The following STARD13 variants were observed in gnomAD, a reference collection of about 807,000 sequenced individuals.
STARD13 encodes StAR related lipid transfer domain containing 13.
Under a neutral mutation model 106.4 loss-of-function variants are expected in STARD13, and 62 were observed. That is an observed-to-expected ratio of 0.58 (90% CI 0.48 to 0.72). The LOEUF (loss-of-function observed/expected upper bound fraction) is 0.72. Ranked by LOEUF, STARD13 falls within the 30% of genes least tolerant of loss-of-function variation. The pLI is 0.00. For synonymous variants in STARD13, 565 were observed against 553.0 expected (o/e 1.02, Z -0.31); for missense variants, 1,387 against 1,424.0 (o/e 0.97, Z 0.42).
intron 1 of STARD13, among the ~76,000 whole-genome samples, chr13:33,191,403 T>A (rs1399554243): frequency 6.6e-6 from 1 of 152,182 alleles, no homozygotes; most frequent in Non-Finnish European, 1.5e-5. Flanking sequence ...TCTTTTAGAG[T>A]CTTGTAATGC....
chr13:33,149,396 A>G (rs77887320), intron 3 of STARD13, among the ~76,000 whole-genome samples: 4,904 of 152,290 alleles, frequency 0.032, 271 homozygotes, highest in African/African-American at 0.11. Context: ...TTTAAAAATG[A>G]AGTCTTTTTT....
At chr13:33,190,158 A>G (rs901318656) in intron 1 of STARD13, among the ~76,000 whole-genome samples, 7 of 152,176 alleles carry the variant, frequency 4.6e-5, no homozygotes, top group Admixed American at 1.3e-4. Flanking sequence ...TATTTTAAGG[A>G]TAGGCTGGGT....
intron 3 of STARD13, among the ~76,000 whole-genome samples, chr13:33,153,492 A>C (rs1881562371): frequency 6.6e-6 from 1 of 152,194 alleles, no homozygotes. Flanking sequence ...AGGGATGTTA[A>C]GCAGCCTGTG....
At chr13:33,193,661 T>A (rs1311558124) in intron 1 of STARD13, among the ~76,000 whole-genome samples, 1 of 152,178 alleles carries the variant, frequency 6.6e-6, no homozygotes, top group Admixed American at 6.5e-5. Flanking sequence ...GCCTCCCACC[T>A]TTCCTCAAAG....
chr13:33,143,344 C>T (rs1363298608), intron 3 of STARD13, among the ~76,000 whole-genome samples: 2 of 152,064 alleles, frequency 1.3e-5, no homozygotes, highest in Admixed American at 6.5e-5. Flanking sequence ...ATTAGTTTTG[C>T]TTCTTCTTGG....
chr13:33,638,956 T>TG, the STARD13 span, among the ~76,000 whole-genome samples: 2 of 152,206 alleles, frequency 1.3e-5, no homozygotes, highest in Non-Finnish European at 2.9e-5. Flanking sequence ...CCTTTTTTTT[T>TG]GGCATCTAAT....
chr13:33,298,329 C>A (rs1441295812), intron 1 of STARD13, among the ~76,000 whole-genome samples: 2 of 147,696 alleles, frequency 1.4e-5, no homozygotes, highest in African/African-American at 5.0e-5. Context: ...TTAGTAGAGA[C>A]AGGGTTTCAC....
the STARD13 span, among the ~76,000 whole-genome samples, chr13:33,417,788 T>A: frequency 3.3e-5 from 5 of 152,118 alleles, no homozygotes; most frequent in Admixed American, 3.3e-4. Flanking sequence ...GAAATGGCGA[T>A]TGATTGCTAA....
chr13:33,587,313 G>C, the STARD13 span, among the ~76,000 whole-genome samples: 1 of 151,996 alleles, frequency 6.6e-6, no homozygotes, highest in African/African-American at 2.4e-5. Context: ...CCCATCAGTA[G>C]TGGAATTATG....
At chr13:33,363,756 G>C in the STARD13 span, among the ~76,000 whole-genome samples, 2 of 152,180 alleles carry the variant, frequency 1.3e-5, no homozygotes, top group Non-Finnish European at 2.9e-5. Context: ...ACCCTCCTGA[G>C]GGTAGGAAGT....
At chr13:33,150,927 T>A (rs1046674473) in intron 3 of STARD13, among the ~76,000 whole-genome samples, 1 of 152,210 alleles carries the variant, frequency 6.6e-6, no homozygotes, top group Non-Finnish European at 1.5e-5. Context: ...CAGGAATAAG[T>A]TAGGTGCTGG....
At chr13:33,295,116 T>C (rs1488171462) in intron 1 of STARD13, among the ~76,000 whole-genome samples, 1 of 152,176 alleles carries the variant, frequency 6.6e-6, no homozygotes, top group Non-Finnish European at 1.5e-5. Context: ...TTCTTAGATA[T>C]GCCTTGTTGG....
chr13:33,331,986 G>A (rs942077939), intron 1 of STARD13, among the ~76,000 whole-genome samples: 10 of 152,134 alleles, frequency 6.6e-5, no homozygotes, highest in Non-Finnish European at 7.3e-5. Flanking sequence ...AGGTCTCACT[G>A]CTTCCACTCT....
At chr13:33,380,663 A>T in the STARD13 span, among the ~76,000 whole-genome samples, 1 of 152,076 alleles carries the variant, frequency 6.6e-6, no homozygotes, top group East Asian at 1.9e-4. Flanking sequence ...AATGGTGTCA[A>T]TGCTGTCAGA....
chr13:33,142,678 C>A (rs926020631), intron 3 of STARD13, among the ~76,000 whole-genome samples: 1 of 152,200 alleles, frequency 6.6e-6, no homozygotes, highest in African/African-American at 2.4e-5. Flanking sequence ...TTTAGCCATA[C>A]TTTCACTATC....
rs561519266 is a variant in STARD13 at position 33,228,151 on chromosome 13, C to T, written c.169+57319G>A. Among the ~76,000 whole-genome samples, 5 of 152,106 alleles carry T rather than the reference C, an allele frequency of 3.3e-5. No individual in the cohort carries two copies. The East Asian group carries it at 9.6e-4, about 29-fold the overall frequency. ...AGGCAAAGGCAACATAAAAGCATGG[C>T]ACAGAAGCATGAAGAGTACATGGAG... On this transcript the variant is annotated intron_variant, in intron 1 of 13. Transcript: ENST00000336934.
intron 1 of STARD13, among the ~76,000 whole-genome samples, chr13:33,169,539 T>C (rs1366812429): frequency 6.6e-6 from 1 of 152,252 alleles, no homozygotes; most frequent in African/African-American, 2.4e-5. Flanking sequence ...ACCTAATTTC[T>C]AGACATGCTC....
the STARD13 span, among the ~76,000 whole-genome samples, chr13:33,646,891 T>G: frequency 6.6e-6 from 1 of 152,144 alleles, no homozygotes; most frequent in Non-Finnish European, 1.5e-5. Flanking sequence ...AAGAGTAATA[T>G]TTTATGAGGA....
chr13:33,380,933 G>C, the STARD13 span, among the ~76,000 whole-genome samples: 254 of 152,290 alleles, frequency 1.7e-3, 9 homozygotes, highest in East Asian at 0.039. Context: ...GAATTGGATT[G>C]AGTCCAGACA....
Sources: allele counts gnomAD v4.1 joint callset (sites outside exome capture counted in the v4.1 genomes callset), GRCh38; gene constraint gnomAD v4.1.1; transcripts MANE v1.5; gene names NCBI Gene and HGNC (gene_info 2026-07-23, HGNC 2026-07-21).